The following DAGLB variants were observed in gnomAD, a reference collection of about 807,000 sequenced individuals.
The protein encoded by DAGLB is diacylglycerol lipase beta.
Under a neutral mutation model 72.1 loss-of-function variants are expected in DAGLB, and 66 were observed. The ratio of observed to expected loss-of-function variants is 0.92; its 90% confidence interval spans 0.75 to 1.12. The LOEUF is 1.12. Ranked by LOEUF, DAGLB falls within the 50% of genes most tolerant of loss-of-function variation. The pLI, the probability that DAGLB is intolerant of heterozygous loss-of-function variation, is 0.00. For synonymous variants in DAGLB, 414 were observed against 359.5 expected (o/e 1.15, Z -1.71); for missense variants, 1,065 against 884.9 (o/e 1.20, Z -2.58).
At chr7:6,415,018 G>T (rs748041371) in intron 11 of DAGLB, among the ~76,000 whole-genome samples, 4 of 152,028 alleles carry the variant, frequency 2.6e-5, no homozygotes, top group Non-Finnish European at 4.4e-5. Context: ...AAAATTAGCT[G>T]GATGTGGTGG....
At chr7:6,424,954 G>A in intron 7 of DAGLB, 119 bp from the exon 8 acceptor site, 1 of 943,322 alleles carries the variant, frequency 1.1e-6, no homozygotes, top group Non-Finnish European at 1.7e-6. Context: ...GAGAGGAGGG[G>A]ACACCGCCTC....
At chr7:6,412,382 TAAC>T (rs1304672763) in intron 13 of DAGLB, among the ~76,000 whole-genome samples, 1 of 152,204 alleles carries the variant, frequency 6.6e-6, no homozygotes, top group African/African-American at 2.4e-5. Flanking sequence ...CAAAAGGCAT[TAAC>T]AAACTGTTAG....
intron 12 of DAGLB, 36 bp downstream of exon 12, chr7:6,412,930 C>A (rs1289055253): frequency 5.0e-6 from 8 of 1,612,466 alleles, no homozygotes; most frequent in African/African-American, 1.3e-5. Flanking sequence ...GCACTCCCAA[C>A]CCCCCAGCCC....
chr7:6,412,713 G>C (rs369862145), intron 13 of DAGLB, 98 bp downstream of exon 13: 2 of 1,331,400 alleles, frequency 1.5e-6, no homozygotes, highest in East Asian at 2.5e-5. Context: ...ACAGCATAGA[G>C]TGCCCTGCAC....
Position 6,410,040 on chromosome 7 carries a change from A to C in DAGLB, c.1821-5T>G, listed in dbSNP as rs117763067. ...GCAGCAGAGCAGCAGCCAAACCTGA[A>C]GCAGAAAAGGAGAGACAGCTCCCAC... On this transcript the variant is annotated splice_polypyrimidine_tract_variant and splice_region_variant and intron_variant, in intron 14 of 14. Transcript: ENST00000297056. 5.6e-6 allele frequency: 9 copies of C among 1,611,770 alleles called. No homozygotes were observed. In the East Asian group the frequency reaches 1.6e-4, roughly 28 times the overall value.
rs768917424 is a variant in DAGLB at position 6,416,652 on chromosome 7, A to G, written c.1402T>C (p.Phe468Leu). 1.9e-6 allele frequency: 3 copies of G among 1,611,952 alleles called. No individual in the cohort carries two copies. The highest frequency in any genetic ancestry group is 2.2e-5 in the South Asian group (2 of 90,946). ...AAYPQVRCYA[F>L]SPPRGLWSKA... Reference sequence around the variant, plus strand: ...CTCCACAGCCCCCGGGGTGGGGAGAAGGCGTAGCACCTGACCTGCGGGTAG... The same window carrying G: ...CTCCACAGCCCCCGGGGTGGGGAGAGGGCGTAGCACCTGACCTGCGGGTAG... Residue 468 changes from phenylalanine to leucine, a missense_variant, in exon 11 of 15, where the codon TTC becomes CTC. Transcript: ENST00000297056.
intron 2 of DAGLB, among the ~76,000 whole-genome samples, chr7:6,441,543 G>C (rs899520980): frequency 6.8e-6 from 1 of 146,326 alleles, no homozygotes; most frequent in African/African-American, 2.5e-5. Context: ...TCAGCCTCCC[G>C]AGTAGGTGTG....
chr7:6,411,673 G>A (rs929499428), intron 13 of DAGLB, among the ~76,000 whole-genome samples: 9 of 152,028 alleles, frequency 5.9e-5, no homozygotes, highest in Non-Finnish European at 1.2e-4. Context: ...TTTAAATTGC[G>A]TTTCTTCTTT....
At chr7:6,443,277 A>C (rs1261666915) in intron 2 of DAGLB, among the ~76,000 whole-genome samples, 1 of 142,992 alleles carries the variant, frequency 7.0e-6, no homozygotes, top group African/African-American at 2.7e-5. Context: ...AAAAAAAGAA[A>C]CTGTCTCTAC....
At chr7:6,432,788 C>T (rs959314547) in intron 5 of DAGLB, 49 bp downstream of exon 5, 4 of 1,583,612 alleles carry the variant, frequency 2.5e-6, no homozygotes, top group African/African-American at 1.4e-5. Context: ...TGAAGACCCA[C>T]CAAAAGGTGT....
intron 2 of DAGLB, among the ~76,000 whole-genome samples, chr7:6,437,294 G>A (rs987819621): frequency 5.3e-5 from 8 of 151,954 alleles, no homozygotes; most frequent in Admixed American, 3.9e-4. Context: ...CAAGCTCCAC[G>A]TCCCTTTGAG....
chr7:6,421,120 C>A (rs902099117), intron 9 of DAGLB, among the ~76,000 whole-genome samples: 2 of 152,210 alleles, frequency 1.3e-5, no homozygotes, highest in African/African-American at 4.8e-5. Context: ...CTGGGCAACA[C>A]AGGGAGACTG....
intron 11 of DAGLB, 87 bp downstream of exon 11, chr7:6,416,540 C>G: frequency 6.6e-7 from 1 of 1,506,330 alleles, no homozygotes; most frequent in Non-Finnish European, 8.9e-7. Flanking sequence ...AAGACTTCAT[C>G]TCAGGAAAAT....
At chr7:6,443,816 A>G (rs989257236) in intron 2 of DAGLB, among the ~76,000 whole-genome samples, 1 of 152,144 alleles carries the variant, frequency 6.6e-6, no homozygotes, top group Non-Finnish European at 1.5e-5. Context: ...CCTCTGACCA[A>G]TGAATCATTT....
At chr7:6,442,709 C>G (rs1053101502) in intron 2 of DAGLB, among the ~76,000 whole-genome samples, 1 of 152,186 alleles carries the variant, frequency 6.6e-6, no homozygotes, top group African/African-American at 2.4e-5. Flanking sequence ...AAACGTGGAG[C>G]CTCCATCAAT....
rs1038981882 is a variant in DAGLB at position 6,409,819 on chromosome 7, A to C, written c.*18T>G. 8.7e-6 allele frequency: 14 copies of C among 1,610,536 alleles called. 1 individual carries two copies. In the African/African-American group the frequency reaches 1.6e-4, roughly 18 times the overall value. ...AGCGTGAGTCCATCGTTCCTGGGAC[A>C]GTTTCCAGTGGCCCTGGTCAGGCCA... On this transcript the variant is annotated 3_prime_UTR_variant, in exon 15 of 15. Transcript: ENST00000297056.
chr7:6,432,698 G>C, intron 5 of DAGLB, 139 bp downstream of exon 5: 2 of 1,086,484 alleles, frequency 1.8e-6, no homozygotes, highest in African/African-American at 1.7e-5. Context: ...GGGAGGGAAG[G>C]GGAGGAGGGG....
intron 2 of DAGLB, among the ~76,000 whole-genome samples, chr7:6,441,302 A>G (rs1292397719): frequency 6.6e-6 from 1 of 150,564 alleles, no homozygotes; most frequent in East Asian, 2.0e-4. Flanking sequence ...CATGTTAGCC[A>G]GGATGGTCTC....
At chr7:6,414,375 C>T (rs1019672759) in intron 11 of DAGLB, among the ~76,000 whole-genome samples, 5 of 151,240 alleles carry the variant, frequency 3.3e-5, no homozygotes, top group African/African-American at 1.2e-4. Context: ...TGCAGTGGCA[C>T]GATCTCGGCT....
Sources: gnomAD v4.1 joint callset for allele counts (sites outside exome capture counted in the v4.1 genomes callset) on GRCh38, gnomAD v4.1.1 for gene constraint, MANE v1.5 for transcripts, NCBI Gene and HGNC (gene_info 2026-07-23, HGNC 2026-07-21) for gene names.